Variants in KLHL32 observed in about 807,000 individuals in gnomAD.
KLHL32 encodes the protein kelch-like protein 32.
In KLHL32, 35 loss-of-function variants were observed where a neutral mutation model predicts 64.8. The ratio of observed to expected loss-of-function variants is 0.54; its 90% CI spans 0.41 to 0.72. The LOEUF is 0.72. Among genes scored for constraint, KLHL32 ranks in the 30% least tolerant of loss-of-function variants. The pLI is 0.00. For synonymous variants in KLHL32, 259 were observed against 281.0 expected, an observed-to-expected ratio of 0.92 and a Z score of 0.78; for missense variants, 589 against 768.5, an observed-to-expected ratio of 0.77 and a Z score of 2.76.
At chr6:96,978,537 T>TATA (rs1222794174) in intron 3 of KLHL32, among the ~76,000 whole-genome samples, 2 of 152,220 alleles carry the variant, frequency 1.3e-5, no homozygotes, top group African/African-American at 4.8e-5. Context: ...CTTTATCCTG[T>TATA]CTACCACTGA....
At chr6:97,058,503 T>C (rs1030156680) in intron 4 of KLHL32, among the ~76,000 whole-genome samples, 3 of 152,234 alleles carry the variant, frequency 2.0e-5, no homozygotes, top group African/African-American at 7.2e-5. Context: ...TCATTTCCTC[T>C]TTTTTCTTTA....
intron 2 of KLHL32, among the ~76,000 whole-genome samples, chr6:96,969,603 A>G (rs1774894202): frequency 6.6e-6 from 1 of 152,232 alleles, no homozygotes; most frequent in African/African-American, 2.4e-5. Context: ...AAAAGTGCCC[A>G]GAGTTTTAGT....
intron 4 of KLHL32, among the ~76,000 whole-genome samples, chr6:97,064,335 T>C (rs527438875): frequency 3.9e-5 from 6 of 152,308 alleles, no homozygotes; most frequent in African/African-American, 1.4e-4. Context: ...ATGTTTTTCT[T>C]TGAAAATGTT....
chr6:97,029,494 T>A (rs200511597), intron 3 of KLHL32, among the ~76,000 whole-genome samples: 1 of 149,996 alleles, frequency 6.7e-6, no homozygotes, highest in African/African-American at 2.5e-5. Context: ...TTTACTGTTT[T>A]AGTTTGTCTT....
chr6:97,057,616 T>C (rs1290694089), intron 4 of KLHL32, among the ~76,000 whole-genome samples: 1 of 121,258 alleles, frequency 8.2e-6, no homozygotes, highest in African/African-American at 3.9e-5. Context: ...TGTTAAGATC[T>C]TGTTTTTTGA....
At position 97,106,145 on chromosome 6, in the gene KLHL32, A is replaced by G. The variant is rs77659395; in HGVS notation, c.628-7638A>G. Among the ~76,000 whole-genome samples the G allele has an allele frequency of 1.6e-3, 251 of 152,334 alleles. 5 individuals are homozygous for G. In the East Asian group the frequency reaches 0.046, roughly 28 times the overall value. On this transcript the variant is annotated intron_variant, in intron 6 of 10. Coordinates refer to ENST00000369261, the MANE Select transcript of KLHL32 (RefSeq NM_052904.4). The stretch of plus-strand genomic sequence containing the variant: ...CAGCTTCTGTCTGAGTGTGTTTCAC[A>G]TGAACAATAAAGGAATTAGAATCAC...
intron 7 of KLHL32, among the ~76,000 whole-genome samples, chr6:97,122,232 C>G (rs1224336408): frequency 6.6e-6 from 1 of 152,064 alleles, no homozygotes; most frequent in Non-Finnish European, 1.5e-5. Flanking sequence ...GCAACCCTGC[C>G]TTTATAGGTA....
intron 7 of KLHL32, among the ~76,000 whole-genome samples, chr6:97,123,561 T>C (rs1426488780): frequency 6.6e-6 from 1 of 152,168 alleles, no homozygotes; most frequent in African/African-American, 2.4e-5. Flanking sequence ...CAATTTTGGC[T>C]GAAAAGTCTT....
At position 97,140,504 on chromosome 6, in the gene KLHL32, CTATAA is replaced by C. The variant is rs1489698150; in HGVS notation, c.*1223_*1227del. ...AGACTAGTTTTTGGGTTTGCTTTGT[CTATAA>C]CAAAAAATAAATACAACAACTTAAT... is the stretch of plus-strand genomic sequence containing the variant. On this transcript the variant is annotated 3_prime_UTR_variant, in exon 11 of 11. Transcript: ENST00000369261. 2 of 151,896 alleles carry C rather than the reference CTATAA, an allele frequency of 1.3e-5. No homozygotes were observed. Among genetic ancestry groups the C allele is most frequent in the Non-Finnish European group, 2.9e-5 (2 of 67,860 alleles). 9.4% of individuals were successfully genotyped at this position (151,896 alleles called of 1,614,324 possible).
intron 7 of KLHL32, among the ~76,000 whole-genome samples, chr6:97,116,591 T>A (rs1237803111): frequency 6.6e-6 from 1 of 152,208 alleles, no homozygotes; most frequent in Non-Finnish European, 1.5e-5. Flanking sequence ...TAATAAATAT[T>A]CCTTGTGTTT....
Position 96,964,793 on chromosome 6 carries a change from A to T in KLHL32, c.-65-2203A>T, listed in dbSNP as rs1398790427. On this transcript the variant is annotated intron_variant, in intron 1 of 10. Coordinates refer to ENST00000369261, the MANE Select transcript of KLHL32 (RefSeq NM_052904.4). ...TAAATAATATGTAGTAAAAATAGTA[A>T]ATATAACAAACCTTTTCCAGTGGTG... Among the ~76,000 whole-genome samples, 2 of 152,234 alleles carry T rather than the reference A, an allele frequency of 1.3e-5. 1 individual carries two copies. Among genetic ancestry groups the T allele is most frequent in the East Asian group, 3.8e-4 (2 of 5,204 alleles).
At chr6:96,994,493 T>C (rs1277354761) in intron 3 of KLHL32, 5 of 985,176 alleles carry the variant, frequency 5.1e-6, no homozygotes, top group Non-Finnish European at 6.0e-6. Flanking sequence ...TGCTCTGTAC[T>C]CTGATATTTG....
chr6:96,977,611 C>T (rs1392506464), intron 3 of KLHL32, among the ~76,000 whole-genome samples: 3 of 152,086 alleles, frequency 2.0e-5, no homozygotes, highest in East Asian at 1.9e-4. Context: ...CTAAATGTTA[C>T]AGACACCAAC....
intron 3 of KLHL32, among the ~76,000 whole-genome samples, chr6:97,001,593 G>C (rs1360889095): frequency 6.6e-6 from 1 of 152,120 alleles, no homozygotes. Flanking sequence ...TCAGCCTCAC[G>C]AGTAGTTGAG....
chr6:97,095,668 A>C (rs1794887011), intron 6 of KLHL32, among the ~76,000 whole-genome samples: 1 of 152,192 alleles, frequency 6.6e-6, no homozygotes, highest in Admixed American at 6.5e-5. Context: ...CACTGAGAGA[A>C]CTAAACCCTC....
At chr6:96,938,258 A>G (rs61348524) in intron 1 of KLHL32, among the ~76,000 whole-genome samples, 3,535 of 151,434 alleles carry the variant, frequency 0.023, 91 homozygotes, top group African/African-American at 0.067. Context: ...TAGTTACAAG[A>G]TAATTCCATA....
Position 97,049,444 on chromosome 6 carries a change from A to G in KLHL32, c.312+7845A>G, listed in dbSNP as rs1193092436. Among the ~76,000 whole-genome samples the G allele has an allele frequency of 2.0e-5, 3 of 152,198 alleles. No individual in the cohort carries two copies. In the East Asian group the frequency reaches 5.8e-4, roughly 29 times the overall value. On this transcript the variant is annotated intron_variant, in intron 4 of 10. Coordinates refer to ENST00000369261, the MANE Select transcript of KLHL32 (RefSeq NM_052904.4). Reference sequence around the variant, plus strand: ...TGGTAGGACAGAGTGGGATGGTGGGAGATTGCATCATGCCACTCAGAATGG... The same window carrying G: ...TGGTAGGACAGAGTGGGATGGTGGGGGATTGCATCATGCCACTCAGAATGG...
chr6:96,927,767 T>C (rs2127987231), intron 1 of KLHL32, among the ~76,000 whole-genome samples: 1 of 152,350 alleles, frequency 6.6e-6, no homozygotes, highest in South Asian at 2.1e-4. Context: ...TAAGGAGCTA[T>C]GCAGGTGTGT....
rs1488022653 is a variant in KLHL32 at position 96,976,032 on chromosome 6, A to T, written c.59A>T (p.His20Leu). Residue 20 changes from histidine (H) to leucine (L), a missense_variant, in exon 3 of 11, where the codon CAC becomes CTC. His to Leu is a moderately conservative substitution (Grantham distance 99). Coordinates refer to ENST00000369261, the MANE Select transcript of KLHL32 (RefSeq NM_052904.4). ...ATGCTGACAGGCCAGAGGCTCTGCC[A>T]CTCCGAATCTCACAATGACAGTGTC... ...QEMLTGQRLCHSESHNDSVLA... is the reference protein window; with the variant it reads ...QEMLTGQRLCLSESHNDSVLA... The T allele has an allele frequency of 6.3e-7, 1 of 1,592,842 alleles. No homozygotes were observed. The highest frequency in any genetic ancestry group is 1.7e-5 in the Admixed American group (1 of 58,808).
Sources: gnomAD v4.1 joint callset for allele counts (sites outside exome capture counted in the v4.1 genomes callset) on GRCh38, gnomAD v4.1.1 for gene constraint, MANE v1.5 for transcripts, NCBI Gene and HGNC (gene_info 2026-07-23, HGNC 2026-07-21) for gene names.